CEP89: variants seen among roughly 807,000 people sequenced by gnomAD.
CEP89 encodes centrosomal protein 89.
Under a neutral mutation model 97.6 loss-of-function variants are expected in CEP89, and 95 were observed. The observed-to-expected ratio is 0.97, with a 90% CI of 0.82 to 1.15. The LOEUF (loss-of-function observed/expected upper bound fraction) is 1.15. Among genes scored for constraint, CEP89 ranks in the 50% most tolerant of loss-of-function variants. The pLI, the probability that CEP89 is intolerant of heterozygous loss-of-function variation, is 0.00. For synonymous variants in CEP89, 354 were observed against 349.1 expected, an observed-to-expected ratio of 1.01 and a Z score of -0.16; for missense variants, 869 against 947.7, an observed-to-expected ratio of 0.92 and a Z score of 1.09.
At position 32,961,103 on chromosome 19, in the gene CEP89, G is replaced by A. The variant is rs547536579; in HGVS notation, c.147-1045C>T. ...AGAACCATTCACCAGGATCAGAGGA[G>A]CAGTGCCAGGTGCTTACATACAGCC... On this transcript the variant is annotated intron_variant, in intron 2 of 18. Transcript: ENST00000305768. Among the ~76,000 whole-genome samples, 5 of 152,284 alleles carry A rather than the reference G, an allele frequency of 3.3e-5. No homozygotes were observed. In the South Asian group the frequency reaches 1.0e-3, roughly 32 times the overall value.
intron 2 of CEP89, chr19:32,963,974 ACACACACT>A: frequency 6.9e-6 from 1 of 144,026 alleles, no homozygotes; most frequent in Admixed American, 7.1e-5. Flanking sequence ...ACACACACAC[ACACACACT>A]CTGACCAAAC....
At chr19:32,952,887 G>C (rs530058275) in intron 4 of CEP89, among the ~76,000 whole-genome samples, 2 of 102,308 alleles carry the variant, frequency 2.0e-5, no homozygotes, top group Non-Finnish European at 3.6e-5. Flanking sequence ...CTGGAGGACA[G>C]AGCAAGACTC....
intron 5 of CEP89, among the ~76,000 whole-genome samples, chr19:32,945,279 T>A (rs1357105128): frequency 1.5e-4 from 16 of 103,764 alleles, no homozygotes; most frequent in African/African-American, 5.8e-4. Flanking sequence ...AGTGAAACTA[T>A]GTTTCAAAAA....
intron 4 of CEP89, among the ~76,000 whole-genome samples, chr19:32,948,893 T>G (rs1355151473): frequency 1.3e-5 from 2 of 151,348 alleles, no homozygotes; most frequent in Non-Finnish European, 2.9e-5. Context: ...ACCAGGTAAT[T>G]TTTTTTTTAT....
chr19:32,920,225 GTTTT>G (rs1467859891), intron 12 of CEP89, among the ~76,000 whole-genome samples: 2 of 151,744 alleles, frequency 1.3e-5, no homozygotes, highest in Non-Finnish European at 2.9e-5. Flanking sequence ...TTTTGTTTTT[GTTTT>G]TGTTTTTTTG....
chr19:32,893,107 G>GAA (rs35600849), intron 16 of CEP89, among the ~76,000 whole-genome samples: 11 of 145,868 alleles, frequency 7.5e-5, no homozygotes, highest in East Asian at 4.0e-4. Flanking sequence ...ATGGATATCA[G>GAA]AAAAAAAAAA....
chr19:32,946,933 A>ATT (rs11452132), intron 5 of CEP89, among the ~76,000 whole-genome samples: 3 of 151,706 alleles, frequency 2.0e-5, no homozygotes, highest in East Asian at 3.9e-4. Context: ...ATATTTATGT[A>ATT]TTTTTTTTAC....
At chr19:32,960,200 A>C (rs995776186) in intron 2 of CEP89, 142 bp from the exon 3 acceptor site, 2 of 753,300 alleles carry the variant, frequency 2.7e-6, no homozygotes, top group Non-Finnish European at 4.3e-6. Context: ...CATCTACCGC[A>C]GGCCATCAGA....
intron 1 of CEP89, among the ~76,000 whole-genome samples, chr19:32,967,506 G>GGA (rs1971309550): frequency 7.9e-6 from 1 of 126,054 alleles, no homozygotes; most frequent in South Asian, 2.3e-4. Flanking sequence ...CACTAAAAAT[G>GGA]AAAAAAAAAA....
rs764474601 is a variant in CEP89 at position 32,931,533 on chromosome 19, G to T, written c.925C>A (p.Gln309Lys). Reference protein sequence around the residue: ...PELLYLRKQAQELVDENDGLK... With the variant: ...PELLYLRKQAKELVDENDGLK... ...CCATCATTTTCATCCACCAGTTCTT[G>T]AGCTTGTTTTCGCAGATAAAGTAAT... Residue 309 changes from glutamine to lysine, a missense_variant, in exon 9 of 19, where the codon CAA becomes AAA. Coordinates refer to ENST00000305768, the MANE Select transcript of CEP89 (RefSeq NM_032816.5). 5.1e-6 allele frequency: 8 copies of T among 1,583,580 alleles called. No individual in the cohort carries two copies. In the East Asian group the frequency reaches 1.6e-4, roughly 32 times the overall value.
At chr19:32,898,072 T>C (rs930729957) in intron 16 of CEP89, among the ~76,000 whole-genome samples, 3 of 152,222 alleles carry the variant, frequency 2.0e-5, no homozygotes, top group Non-Finnish European at 4.4e-5. Context: ...AAGGGATATC[T>C]ACACCCCCAT....
chr19:32,881,938 C>T lies in CEP89; in HGVS notation c.2041G>A (p.Gly681Ser), dbSNP rs777561706. 8 of 1,599,614 alleles carry T rather than the reference C, an allele frequency of 5.0e-6. No homozygotes were observed. The Admixed American group carries it at 6.9e-5, about 14-fold the overall frequency. The change falls in exon 18 of 19, where the codon GGC (glycine) becomes AGC (serine). Residue 681 changes from glycine to serine, a missense_variant. Transcript: ENST00000305768. ...RLLEQQEDFA[G>S]KTAQYRQEMR... ...TCCTGCCGGTACTGGGCTGTCTTGC[C>T]GGCGAAGTCCTCCTGCTGCTCCAGC...
At chr19:32,931,913 G>A (rs950491800) in intron 8 of CEP89, among the ~76,000 whole-genome samples, 1 of 152,244 alleles carries the variant, frequency 6.6e-6, no homozygotes, top group Non-Finnish European at 1.5e-5. Context: ...CGGGTGCGGT[G>A]GCTCACGCCT....
chr19:32,909,819 G>A (rs1281415221), intron 14 of CEP89, among the ~76,000 whole-genome samples: 1 of 152,170 alleles, frequency 6.6e-6, no homozygotes, highest in Admixed American at 6.5e-5. Context: ...GGATACGAGA[G>A]ACACCAGAAA....
At chr19:32,960,079 T>A in intron 2 of CEP89, 21 bp from the exon 3 acceptor site, 1 of 1,613,472 alleles carries the variant, frequency 6.2e-7, no homozygotes, top group Non-Finnish European at 8.5e-7. Flanking sequence ...AAACATCCCA[T>A]GGAGACAGTG....
intron 7 of CEP89, among the ~76,000 whole-genome samples, chr19:32,935,167 G>T (rs1164907186): frequency 6.6e-6 from 1 of 152,122 alleles, no homozygotes; most frequent in Non-Finnish European, 1.5e-5. Context: ...AGGAAGAGGG[G>T]TCCCCACGGA....
At chr19:32,923,054 C>T (rs1293137643) in intron 12 of CEP89, among the ~76,000 whole-genome samples, 1 of 152,038 alleles carries the variant, frequency 6.6e-6, no homozygotes, top group Non-Finnish European at 1.5e-5. Context: ...GTCGTGCAAG[C>T]CTCATGAGCT....
intron 2 of CEP89, 74 bp from the exon 3 acceptor site, chr19:32,960,132 C>T: frequency 6.7e-7 from 1 of 1,498,872 alleles, no homozygotes; most frequent in Non-Finnish European, 9.2e-7. Context: ...GGTACATAAA[C>T]TCATCAAGGC....
intron 5 of CEP89, among the ~76,000 whole-genome samples, chr19:32,946,972 A>C (rs1970810960): frequency 6.6e-6 from 1 of 152,192 alleles, no homozygotes; most frequent in African/African-American, 2.4e-5. Context: ...TTGTAATTTA[A>C]AAAGAGATGC....
Sources: gnomAD v4.1 joint callset for allele counts (sites outside exome capture counted in the v4.1 genomes callset) on GRCh38, gnomAD v4.1.1 for gene constraint, MANE v1.5 for transcripts, NCBI Gene and HGNC (gene_info 2026-07-23, HGNC 2026-07-21) for gene names.